SCLT1: variants seen among roughly 807,000 people sequenced by gnomAD.
SCLT1 encodes the protein sodium channel-associated protein 1.
SCLT1 carries 78 observed loss-of-function variants against 112.8 expected under a neutral mutation model. The observed-to-expected ratio is 0.69, with a 90% confidence interval of 0.58 to 0.83. The LOEUF is 0.83. Among genes scored for constraint, SCLT1 ranks in the 40% least tolerant of loss-of-function variants. The pLI is 0.00. For missense variants in SCLT1, 747 were observed against 770.4 expected (o/e 0.97, Z 0.36); for synonymous variants, 257 against 254.7 (o/e 1.01, Z -0.09).
intron 5 of SCLT1, among the ~76,000 whole-genome samples, chr4:129,035,554 G>A (rs1747106649): frequency 6.6e-6 from 1 of 151,992 alleles, no homozygotes; most frequent in Non-Finnish European, 1.5e-5. Flanking sequence ...AAAAAAAACA[G>A]CTCTTGTACT....
intron 9 of SCLT1, among the ~76,000 whole-genome samples, chr4:128,991,299 A>AT (rs2126067838): frequency 6.6e-6 from 1 of 151,628 alleles, no homozygotes; most frequent in African/African-American, 2.4e-5. Context: ...TTCAACCCCT[A>AT]TCTCTTGCCA....
At chr4:129,080,236 A>G (rs1353852890) in intron 2 of SCLT1, among the ~76,000 whole-genome samples, 3 of 152,216 alleles carry the variant, frequency 2.0e-5, no homozygotes, top group African/African-American at 7.2e-5. Context: ...ATTTCTCCCT[A>G]GAAAATGGGT....
rs571726789 is a variant in SCLT1 at position 129,087,436 on chromosome 4, A to G, written c.35-5063T>C. 1.1e-3 allele frequency among the ~76,000 whole-genome samples: 160 copies of G among 152,116 alleles called. 4 individuals carry two copies. The highest frequency in any genetic ancestry group is 3.1e-4 in the Non-Finnish European group (21 of 67,994). On this transcript the variant is annotated intron_variant, in intron 1 of 20. Coordinates refer to ENST00000281142, the MANE Select transcript of SCLT1 (RefSeq NM_144643.4). ...TACAAAATATTTTCCAAGTAATTCTATGAGGCTGGCATTACCTGATACTAA... is the reference window on the plus strand; with the variant it reads ...TACAAAATATTTTCCAAGTAATTCTGTGAGGCTGGCATTACCTGATACTAA...
chr4:129,022,798 C>A (rs1157306659), intron 5 of SCLT1, among the ~76,000 whole-genome samples: 1 of 152,100 alleles, frequency 6.6e-6, no homozygotes, highest in East Asian at 1.9e-4. Flanking sequence ...GCGGAGAACA[C>A]CACTAAGATA....
At chr4:129,067,983 C>A (rs976678868) in intron 2 of SCLT1, among the ~76,000 whole-genome samples, 13 of 152,100 alleles carry the variant, frequency 8.5e-5, no homozygotes, top group African/African-American at 3.1e-4. Context: ...TTTCATCCCT[C>A]ACCTCCTTGC....
intron 18 of SCLT1, among the ~76,000 whole-genome samples, chr4:128,896,113 A>C (rs1254810109): frequency 6.6e-6 from 1 of 151,646 alleles, no homozygotes; most frequent in Non-Finnish European, 1.5e-5. Context: ...CTCTGGGGGC[A>C]GGGCATTGCC....
intron 13 of SCLT1, among the ~76,000 whole-genome samples, chr4:128,954,262 A>G (rs560224190): frequency 1.3e-4 from 20 of 151,520 alleles, no homozygotes; most frequent in Non-Finnish European, 1.6e-4. Context: ...GTTAATTAAT[A>G]TGAGTGTTAT....
At chr4:129,020,317 T>A (rs1745354061) in intron 5 of SCLT1, among the ~76,000 whole-genome samples, 1 of 152,236 alleles carries the variant, frequency 6.6e-6, no homozygotes, top group Non-Finnish European at 1.5e-5. Flanking sequence ...ACAGTCATGG[T>A]ATCTGCCATG....
chr4:128,944,348 C>A (rs898152761), intron 16 of SCLT1, among the ~76,000 whole-genome samples: 2 of 152,000 alleles, frequency 1.3e-5, no homozygotes, highest in African/African-American at 4.8e-5. Flanking sequence ...TAATAGACGT[C>A]CACAATATCA....
intron 18 of SCLT1, among the ~76,000 whole-genome samples, chr4:128,933,595 G>A (rs1466795661): frequency 6.6e-6 from 1 of 152,030 alleles, no homozygotes; most frequent in East Asian, 1.9e-4. Flanking sequence ...TTTTTCCAAA[G>A]AGTCCTAGTT....
intron 2 of SCLT1, among the ~76,000 whole-genome samples, chr4:129,070,206 T>G (rs1369007814): frequency 6.6e-6 from 1 of 152,170 alleles, no homozygotes; most frequent in Admixed American, 6.5e-5. Flanking sequence ...AGGACATTGG[T>G]CTGTAGTTTT....
chr4:128,914,109 T>C (rs900942449), intron 18 of SCLT1, among the ~76,000 whole-genome samples: 4 of 152,190 alleles, frequency 2.6e-5, no homozygotes, highest in African/African-American at 9.7e-5. Flanking sequence ...CTCACGCCTG[T>C]AATCCCAGCA....
chr4:128,906,450 G>A (rs1270517150), intron 18 of SCLT1, among the ~76,000 whole-genome samples: 1 of 151,974 alleles, frequency 6.6e-6, no homozygotes, highest in Non-Finnish European at 1.5e-5. Context: ...CGCCCGCTTC[G>A]GCCTCCCAAA....
chr4:128,875,693 T>C (rs1331470540), intron 4 of SCLT1, among the ~76,000 whole-genome samples: 1 of 152,196 alleles, frequency 6.6e-6, no homozygotes, highest in African/African-American at 2.4e-5. Context: ...AGAGAGCATA[T>C]ATTAGGCATT....
At chr4:129,044,566 C>G (rs1237120031) in intron 2 of SCLT1, among the ~76,000 whole-genome samples, 1 of 151,034 alleles carries the variant, frequency 6.6e-6, no homozygotes, top group East Asian at 1.9e-4. Flanking sequence ...GGGAATAAAG[C>G]AAACAAAAAA....
At chr4:128,906,426 C>T (rs1333390203) in intron 18 of SCLT1, among the ~76,000 whole-genome samples, 1 of 152,086 alleles carries the variant, frequency 6.6e-6, no homozygotes, top group African/African-American at 2.4e-5. Context: ...TCTTGATCTC[C>T]TGACCTCGTG....
chr4:129,011,609 G>C (rs1238323908), intron 5 of SCLT1, among the ~76,000 whole-genome samples: 1 of 151,596 alleles, frequency 6.6e-6, no homozygotes, highest in East Asian at 1.9e-4. Context: ...AGTTTCAGTA[G>C]AAGTGGTACC....
intron 8 of SCLT1, among the ~76,000 whole-genome samples, chr4:128,996,958 G>A (rs184340251): frequency 7.2e-5 from 11 of 151,940 alleles, no homozygotes; most frequent in Admixed American, 7.2e-4. Flanking sequence ...ATGATGCTAG[G>A]TTAAAGTACT....
chr4:128,923,256 G>T (rs577657740), intron 18 of SCLT1, among the ~76,000 whole-genome samples: 10 of 151,816 alleles, frequency 6.6e-5, no homozygotes, highest in Non-Finnish European at 1.3e-4. Context: ...GACCAGCCTC[G>T]CCAATATGGT....
Sources: allele counts gnomAD v4.1 joint callset (sites outside exome capture counted in the v4.1 genomes callset), GRCh38; gene constraint gnomAD v4.1.1; transcripts MANE v1.5; gene names NCBI Gene and HGNC (gene_info 2026-07-23, HGNC 2026-07-21).